Variants in COMMD7 observed in about 807,000 individuals in gnomAD.
COMMD7 encodes the protein COMM domain-containing protein 7.
In COMMD7, 28 loss-of-function variants were observed where a neutral mutation model predicts 34.8. That is an observed-to-expected ratio of 0.80 (90% CI 0.60 to 1.10). The LOEUF (loss-of-function observed/expected upper bound fraction) is 1.10. Ranked by LOEUF, COMMD7 falls within the 50% of genes least tolerant of loss-of-function variation. COMMD7 has a pLI of 0.00. For synonymous variants in COMMD7, 80 were observed against 86.4 expected, an observed-to-expected ratio of 0.93 and a Z score of 0.41; for missense variants, 211 against 241.6, an observed-to-expected ratio of 0.87 and a Z score of 0.84.
At chr20:32,717,082 C>T (rs1600979912) in intron 3 of COMMD7, among the ~76,000 whole-genome samples, 2 of 152,126 alleles carry the variant, frequency 1.3e-5, no homozygotes, top group African/African-American at 4.8e-5. Context: ...CCACATGCCT[C>T]GGCCTCCCAA....
chr20:32,714,134 C>T (rs1984632394), intron 3 of COMMD7, among the ~76,000 whole-genome samples: 1 of 151,656 alleles, frequency 6.6e-6, no homozygotes, highest in Admixed American at 6.6e-5. Flanking sequence ...CAAAAAAACC[C>T]CCAAAAAAGA....
chr20:32,728,906 A>G (rs1214066821), intron 1 of COMMD7, among the ~76,000 whole-genome samples: 1 of 152,092 alleles, frequency 6.6e-6, no homozygotes, highest in African/African-American at 2.4e-5. Flanking sequence ...ACATCTCGTT[A>G]CTTGTGTAAG....
chr20:32,711,265 C>T (rs1235105991), intron 3 of COMMD7, among the ~76,000 whole-genome samples: 1 of 151,840 alleles, frequency 6.6e-6, no homozygotes, highest in Admixed American at 6.6e-5. Context: ...GGCGTGGTGG[C>T]ACACGCCTGT....
chr20:32,712,535 G>T (rs1984523310), intron 3 of COMMD7, among the ~76,000 whole-genome samples: 1 of 150,230 alleles, frequency 6.7e-6, no homozygotes, highest in Admixed American at 6.7e-5. Flanking sequence ...CCTAGGTGAT[G>T]GGTTGACAGG....
intron 7 of COMMD7, 150 bp downstream of exon 7, chr20:32,704,290 G>C: frequency 1.3e-6 from 1 of 779,510 alleles, no homozygotes; most frequent in South Asian, 1.9e-5. Flanking sequence ...AGGCATGTTA[G>C]TGACTACATC....
At chr20:32,730,132 G>A (rs1985755544) in intron 1 of COMMD7, among the ~76,000 whole-genome samples, 1 of 143,416 alleles carries the variant, frequency 7.0e-6, no homozygotes, top group Non-Finnish European at 1.6e-5. Flanking sequence ...CTGAGACACA[G>A]ATCATTACTT....
chr20:32,722,828 T>C (rs1458887788), intron 3 of COMMD7, among the ~76,000 whole-genome samples: 2 of 151,040 alleles, frequency 1.3e-5, no homozygotes, highest in African/African-American at 2.4e-5. Context: ...GAGACCATCC[T>C]GGCTAACACG....
At chr20:32,726,633 G>C (rs1038320987) in intron 3 of COMMD7, among the ~76,000 whole-genome samples, 1 of 152,124 alleles carries the variant, frequency 6.6e-6, no homozygotes, top group Non-Finnish European at 1.5e-5. Context: ...AACCCAGGAA[G>C]TGGAGGTTGC....
chr20:32,706,659 G>A, intron 4 of COMMD7, 39 bp from the exon 5 acceptor site: 1 of 1,611,628 alleles, frequency 6.2e-7, no homozygotes, highest in Non-Finnish European at 8.5e-7. Flanking sequence ...ATAATAAAAA[G>A]CCTCAGAAGC....
chr20:32,735,888 T>A (rs536549251), intron 1 of COMMD7, among the ~76,000 whole-genome samples: 1 of 152,206 alleles, frequency 6.6e-6, no homozygotes, highest in Non-Finnish European at 1.5e-5. Context: ...AAGAGGACTG[T>A]GGGCCACTTG....
intron 1 of COMMD7, chr20:32,742,572 G>C (rs1986504208): frequency 1.3e-5 from 2 of 152,174 alleles, no homozygotes; most frequent in African/African-American, 4.8e-5. Flanking sequence ...CAGCCTGAAG[G>C]GGGAGAAAAA....
chr20:32,709,223 T>G (rs1984274396), intron 3 of COMMD7, among the ~76,000 whole-genome samples: 1 of 151,452 alleles, frequency 6.6e-6, no homozygotes, highest in Non-Finnish European at 1.5e-5. Flanking sequence ...TCACTTGAGG[T>G]CAGTAGTTCG....
chr20:32,731,147 T>C (rs570612452), intron 1 of COMMD7, among the ~76,000 whole-genome samples: 1 of 151,924 alleles, frequency 6.6e-6, no homozygotes, highest in East Asian at 1.9e-4. Context: ...GCTTGGGCAA[T>C]CTGCATAAAA....
rs113063436 is a variant in COMMD7 at position 32,742,750 on chromosome 20, G to T, written c.84+558C>A. ...CTCAGGCCCACAGAGCCCCAGTGGGGCCTGGCTATTACTGACACTCATGTC... is the reference window on the plus strand; with the variant it reads ...CTCAGGCCCACAGAGCCCCAGTGGGTCCTGGCTATTACTGACACTCATGTC... On this transcript the variant is annotated intron_variant, in intron 1 of 8. Transcript: ENST00000278980. Among the ~76,000 whole-genome samples, 34 of 152,196 alleles carry T rather than the reference G, an allele frequency of 2.2e-4. 2 individuals carry two copies. The highest frequency in any genetic ancestry group is 3.4e-3 in the Middle Eastern group (1 of 294).
chr20:32,733,129 T>G (rs1444852682), intron 1 of COMMD7, among the ~76,000 whole-genome samples: 1 of 145,426 alleles, frequency 6.9e-6, no homozygotes, highest in Admixed American at 7.0e-5. Context: ...CCAGCAGAAT[T>G]ACTTCAACCC....
intron 1 of COMMD7, among the ~76,000 whole-genome samples, chr20:32,740,542 TC>T (rs55739790): frequency 0.69 from 104,867 of 151,724 alleles, 37,017 homozygotes; most frequent in Middle Eastern, 0.83. Flanking sequence ...AGGTAAAAGA[TC>T]CCCTGTTACC....
chr20:32,706,978 A>G (rs28497863), intron 3 of COMMD7, among the ~76,000 whole-genome samples: 27,169 of 151,698 alleles, frequency 0.18, 2,720 homozygotes, highest in East Asian at 0.41. Flanking sequence ...TTATTTAAAA[A>G]ATATATTTAT....
chr20:32,711,641 A>G (rs528952871), intron 3 of COMMD7, among the ~76,000 whole-genome samples: 27 of 152,184 alleles, frequency 1.8e-4, no homozygotes, highest in African/African-American at 5.8e-4. Flanking sequence ...TCCATCCTGA[A>G]GTTACCTCTG....
intron 1 of COMMD7, among the ~76,000 whole-genome samples, chr20:32,741,131 A>C (rs1986415721): frequency 6.8e-6 from 1 of 147,062 alleles, no homozygotes. Context: ...TGACAGAGGA[A>C]GACTCCGTCT....
Sources: allele counts gnomAD v4.1 joint callset (sites outside exome capture counted in the v4.1 genomes callset), GRCh38; gene constraint gnomAD v4.1.1; transcripts MANE v1.5; gene names NCBI Gene and HGNC (gene_info 2026-07-23, HGNC 2026-07-21).